Variants in SCHIP1 observed in about 807,000 individuals in gnomAD.
SCHIP1 encodes the protein schwannomin-interacting protein 1.
Under a neutral mutation model 29.7 loss-of-function variants are expected in SCHIP1, and 8 were observed. The observed-to-expected ratio is 0.27, with a 90% confidence interval of 0.16 to 0.49. The LOEUF is 0.49. Ranked by LOEUF, SCHIP1 falls within the 20% of genes least tolerant of loss-of-function variation. SCHIP1 has a pLI of 0.99. For synonymous variants in SCHIP1, 76 were observed against 94.9 expected, an observed-to-expected ratio of 0.80 and a Z score of 1.16; for missense variants, 193 against 294.6, an observed-to-expected ratio of 0.66 and a Z score of 2.52.
At chr3:159,479,581 T>C in the SCHIP1 span, among the ~76,000 whole-genome samples, 2 of 152,310 alleles carry the variant, frequency 1.3e-5, no homozygotes, top group Middle Eastern at 3.4e-3. Flanking sequence ...TTCCTAATAG[T>C]AGGCAATTAA....
the SCHIP1 span, among the ~76,000 whole-genome samples, chr3:159,416,947 G>C: frequency 2.6e-5 from 4 of 152,222 alleles, no homozygotes; most frequent in Non-Finnish European, 5.9e-5. Context: ...GAAGGCCAAT[G>C]TGGATCCCTG....
the SCHIP1 span, among the ~76,000 whole-genome samples, chr3:159,565,425 C>G: frequency 6.6e-6 from 1 of 152,160 alleles, no homozygotes; most frequent in Non-Finnish European, 1.5e-5. Context: ...ATATGAACAC[C>G]TGACTCTGGA....
the SCHIP1 span, among the ~76,000 whole-genome samples, chr3:159,668,282 CAGG>C: frequency 1.3e-5 from 2 of 150,078 alleles, no homozygotes; most frequent in African/African-American, 2.5e-5. Context: ...GAGGCTGAGG[CAGG>C]AGAACGGCGT....
chr3:159,429,753 T>C, the SCHIP1 span, among the ~76,000 whole-genome samples: 1 of 152,120 alleles, frequency 6.6e-6, no homozygotes, highest in African/African-American at 2.4e-5. Context: ...AATAAATACT[T>C]CACTGCCTGG....
At chr3:159,296,568 G>A in the SCHIP1 span, among the ~76,000 whole-genome samples, 1 of 152,280 alleles carries the variant, frequency 6.6e-6, no homozygotes, top group Admixed American at 6.5e-5. Context: ...GAGGTCAGGA[G>A]TTCAAGACCA....
chr3:159,479,098 G>A, the SCHIP1 span, among the ~76,000 whole-genome samples: 3 of 152,032 alleles, frequency 2.0e-5, no homozygotes, highest in Non-Finnish European at 4.4e-5. Flanking sequence ...GTTTAAAAAG[G>A]CATGAGGAAA....
the SCHIP1 span, among the ~76,000 whole-genome samples, chr3:159,330,180 A>G: frequency 6.6e-6 from 1 of 152,256 alleles, no homozygotes; most frequent in African/African-American, 2.4e-5. Flanking sequence ...AGAGGCAGTT[A>G]CAGTCATATA....
At chr3:159,359,168 C>T in the SCHIP1 span, among the ~76,000 whole-genome samples, 41 of 152,122 alleles carry the variant, frequency 2.7e-4, no homozygotes, top group African/African-American at 5.5e-4. Flanking sequence ...CCTCGTGATC[C>T]GCCCACCACA....
the SCHIP1 span, among the ~76,000 whole-genome samples, chr3:159,793,503 A>G: frequency 1.3e-5 from 2 of 152,148 alleles, no homozygotes; most frequent in Non-Finnish European, 2.9e-5. Context: ...TGAAGGCCAG[A>G]AGTCTGAAAT....
At chr3:159,383,368 CT>C in the SCHIP1 span, among the ~76,000 whole-genome samples, 1 of 150,300 alleles carries the variant, frequency 6.7e-6, no homozygotes, top group Non-Finnish European at 1.5e-5. Context: ...ATAGGGAATC[CT>C]TTCCCCATTG....
At chr3:159,724,854 A>G in the SCHIP1 span, among the ~76,000 whole-genome samples, 6 of 152,262 alleles carry the variant, frequency 3.9e-5, no homozygotes, top group Non-Finnish European at 1.5e-5. Context: ...ATGTAACTCA[A>G]TGGGAATTCA....
the SCHIP1 span, among the ~76,000 whole-genome samples, chr3:159,565,920 C>T: frequency 6.6e-6 from 1 of 152,206 alleles, no homozygotes; most frequent in African/African-American, 2.4e-5. Flanking sequence ...CTAAAATTCA[C>T]AGTAGGATAA....
the SCHIP1 span, among the ~76,000 whole-genome samples, chr3:159,551,370 A>G: frequency 6.6e-6 from 1 of 152,168 alleles, no homozygotes; most frequent in Non-Finnish European, 1.5e-5. Flanking sequence ...CTGTTATCTC[A>G]AACAAACTGC....
chr3:159,324,382 A>C, the SCHIP1 span, among the ~76,000 whole-genome samples: 1 of 152,208 alleles, frequency 6.6e-6, no homozygotes, highest in Non-Finnish European at 1.5e-5. Context: ...GGGATATAAC[A>C]GGGTATATTA....
At chr3:159,556,094 A>G in the SCHIP1 span, among the ~76,000 whole-genome samples, 1 of 152,218 alleles carries the variant, frequency 6.6e-6, no homozygotes, top group Non-Finnish European at 1.5e-5. Context: ...AACCACATCA[A>G]AAAGTGGGCA....
At chr3:159,626,155 T>C in the SCHIP1 span, among the ~76,000 whole-genome samples, 2 of 117,106 alleles carry the variant, frequency 1.7e-5, no homozygotes, top group Non-Finnish European at 3.1e-5. Flanking sequence ...TAGATATATA[T>C]ATATATCTAG....
chr3:159,510,896 G>A, the SCHIP1 span, among the ~76,000 whole-genome samples: 68 of 152,320 alleles, frequency 4.5e-4, no homozygotes, highest in African/African-American at 1.6e-3. Flanking sequence ...GTGCCTCCCA[G>A]TTAGGCTACT....
chr3:159,639,094 A>G, the SCHIP1 span, among the ~76,000 whole-genome samples: 1 of 152,038 alleles, frequency 6.6e-6, no homozygotes, highest in Non-Finnish European at 1.5e-5. Flanking sequence ...AAAATCCCCA[A>G]GTTTTGTTAT....
At chr3:159,882,842 G>A (rs111387238) in intron 2 of SCHIP1, among the ~76,000 whole-genome samples, 41 of 152,270 alleles carry the variant, frequency 2.7e-4, no homozygotes, top group African/African-American at 9.9e-4. Flanking sequence ...TAAATGCCAA[G>A]CAGACGTGGT....
Sources: gnomAD v4.1 joint callset for allele counts (sites outside exome capture counted in the v4.1 genomes callset) on GRCh38, gnomAD v4.1.1 for gene constraint, MANE v1.5 for transcripts, NCBI Gene and HGNC (gene_info 2026-07-23, HGNC 2026-07-21) for gene names.